The following TMEM204 variants were observed in gnomAD, a reference collection of about 807,000 sequenced individuals.
TMEM204 encodes claudin-like protein 24.
In TMEM204, 15 loss-of-function variants were observed where a neutral mutation model predicts 19.4. The ratio of observed to expected loss-of-function variants is 0.77; its 90% CI spans 0.52 to 1.19. TMEM204 has a LOEUF of 1.19. Ranked by LOEUF, TMEM204 falls within the 50% of genes most tolerant of loss-of-function variation. The pLI is 0.00. For synonymous variants in TMEM204, 161 were observed against 146.0 expected, an observed-to-expected ratio of 1.10 and a Z score of -0.74; for missense variants, 287 against 321.2, an observed-to-expected ratio of 0.89 and a Z score of 0.81.
chr16:1,535,917 C>T (rs115023250), intron 1 of TMEM204, among the ~76,000 whole-genome samples: 63 of 152,388 alleles, frequency 4.1e-4, no homozygotes, highest in Non-Finnish European at 7.5e-4. Flanking sequence ...CTTGGGTCTC[C>T]GCGTGACTCC....
At chr16:1,541,214 C>T in intron 1 of TMEM204, 1 of 985,406 alleles carries the variant, frequency 1.0e-6, no homozygotes, top group Non-Finnish European at 1.2e-6. Context: ...AGTGGGGAAG[C>T]AGGCCCTGAC....
intron 1 of TMEM204, among the ~76,000 whole-genome samples, chr16:1,538,835 T>C (rs1162487572): frequency 1.3e-5 from 2 of 152,158 alleles, no homozygotes; most frequent in Non-Finnish European, 2.9e-5. Flanking sequence ...TGCTTGGGGC[T>C]GGCTGTGGAG....
chr16:1,547,773 T>G (rs749643856), intron 2 of TMEM204, among the ~76,000 whole-genome samples: 10 of 152,170 alleles, frequency 6.6e-5, no homozygotes, highest in Non-Finnish European at 1.0e-4. Flanking sequence ...TGACCTCAGG[T>G]GATCCACCCA....
chr16:1,541,313 C>T lies in TMEM204; in HGVS notation c.281-608C>T, dbSNP rs576791002. On this transcript the variant is annotated intron_variant, in intron 1 of 2. Coordinates refer to ENST00000566264, the MANE Select transcript of TMEM204 (RefSeq NM_024600.6). ...CAGGTGGGGGGCACTGGTTCAGACC[C>T]ATGTCTGACCCCTGCTCAGCCCCTT... 29 of 985,134 alleles carry T rather than the reference C, an allele frequency of 2.9e-5. 1 individual carries two copies. In the South Asian group the frequency reaches 1.1e-3, roughly 37 times the overall value. 61.0% of individuals were successfully genotyped at this position (985,134 alleles called of 1,614,324 possible).
intron 2 of TMEM204, chr16:1,554,084 GGA>G: frequency 2.3e-6 from 3 of 1,287,180 alleles, no homozygotes; most frequent in Non-Finnish European, 3.0e-6. Flanking sequence ...CTGCCAGGGA[GGA>G]GGGAGGGTCT....
intron 1 of TMEM204, among the ~76,000 whole-genome samples, chr16:1,535,919 C>T (rs1394250121): frequency 3.9e-5 from 6 of 152,254 alleles, no homozygotes; most frequent in South Asian, 4.1e-4. Context: ...TGGGTCTCCG[C>T]GTGACTCCGG....
chr16:1,541,582 C>T (rs921525811), intron 1 of TMEM204: 8 of 821,708 alleles, frequency 9.7e-6, no homozygotes, highest in Middle Eastern at 6.3e-4. Flanking sequence ...CCTCCACCCC[C>T]ACGCCAGCGC....
At chr16:1,548,332 GC>G (rs1467243855) in intron 2 of TMEM204, among the ~76,000 whole-genome samples, 1 of 152,216 alleles carries the variant, frequency 6.6e-6, no homozygotes, top group Admixed American at 6.5e-5. Context: ...ATGTGTGACA[GC>G]CATTCCAAAA....
intron 1 of TMEM204, among the ~76,000 whole-genome samples, chr16:1,537,878 G>A (rs1240743344): frequency 1.3e-5 from 2 of 152,136 alleles, no homozygotes; most frequent in Non-Finnish European, 2.9e-5. Flanking sequence ...CGCATGCCCC[G>A]CCACACATCA....
At chr16:1,554,738 C>T in intron 2 of TMEM204, 44 bp from the exon 3 acceptor site, 1 of 1,604,994 alleles carries the variant, frequency 6.2e-7, no homozygotes, top group East Asian at 2.2e-5. Context: ...GTGGAACCCG[C>T]CTTCCTCTCA....
intron 2 of TMEM204, among the ~76,000 whole-genome samples, chr16:1,550,500 CGT>C (rs1286806552): frequency 2.6e-5 from 4 of 152,250 alleles, no homozygotes; most frequent in African/African-American, 7.2e-5. Flanking sequence ...CAGGAAGCAG[CGT>C]GTGATGCTGG....
At chr16:1,538,256 G>A (rs1049177850) in intron 1 of TMEM204, among the ~76,000 whole-genome samples, 21 of 152,172 alleles carry the variant, frequency 1.4e-4, no homozygotes, top group African/African-American at 4.8e-4. Flanking sequence ...TGTGGGGCAC[G>A]GCTGCTGCAC....
upstream of TMEM204, among the ~76,000 whole-genome samples, chr16:1,529,547 C>T (rs750380669): frequency 3.3e-5 from 5 of 152,216 alleles, no homozygotes; most frequent in Admixed American, 1.3e-4. Context: ...CTTTTGGGTT[C>T]GGAACTCTTG....
intron 1 of TMEM204, among the ~76,000 whole-genome samples, chr16:1,538,514 C>A (rs576989446): frequency 1.3e-5 from 2 of 152,172 alleles, no homozygotes; most frequent in African/African-American, 4.8e-5. Flanking sequence ...CCCTCCTCCC[C>A]CTTCATTCTG....
chr16:1,553,214 C>G lies in TMEM204; in HGVS notation c.437-1568C>G. ...CTTCCCTGTGTCTCTGTCTCTGTCT[C>G]TCTCTGTCTCCATCTGTCTCTGTGT... On this transcript the variant is annotated intron_variant, in intron 2 of 2. Coordinates refer to ENST00000566264, the MANE Select transcript of TMEM204 (RefSeq NM_024600.6). The surrounding 1 kb of genome is among the most constrained non-coding windows in gnomAD (Gnocchi z 4.4). 3.1e-6 allele frequency: 3 copies of G among 981,154 alleles called. No homozygotes were observed. Among genetic ancestry groups the G allele is most frequent in the Non-Finnish European group, 3.6e-6 (3 of 826,090 alleles). 60.8% of individuals were successfully genotyped at this position (981,154 alleles called of 1,614,324 possible).
At chr16:1,549,592 C>T (rs1448327098) in intron 2 of TMEM204, among the ~76,000 whole-genome samples, 6 of 152,172 alleles carry the variant, frequency 3.9e-5, no homozygotes, top group South Asian at 2.1e-4. Context: ...CCACCACGCC[C>T]GGCTAATTTT....
Position 1,555,221 on chromosome 16 carries a change from C to T in TMEM204, c.*195C>T. ...GTCATATGTCTGTACGTGTCGTGGG[C>T]CAACCTCGTTCTGCCTCCAGCTTTC... On this transcript the variant is annotated 3_prime_UTR_variant, in exon 3 of 3. Transcript: ENST00000566264. 1.5e-6 allele frequency: 1 copy of T among 683,564 alleles called. No homozygotes were observed. The highest frequency in any genetic ancestry group is 2.4e-6 in the Non-Finnish European group (1 of 423,108). 42.3% of individuals were successfully genotyped at this position (683,564 alleles called of 1,614,324 possible).
At chr16:1,550,304 G>A (rs1186095915) in intron 2 of TMEM204, among the ~76,000 whole-genome samples, 1 of 152,180 alleles carries the variant, frequency 6.6e-6, no homozygotes, top group East Asian at 1.9e-4. Context: ...GCCTGAGCTC[G>A]TGTTTATGGC....
chr16:1,554,192 C>A (rs2032904728), intron 2 of TMEM204: 1 of 1,189,656 alleles, frequency 8.4e-7, no homozygotes. Context: ...CCTGCCTGAG[C>A]TGCAGACTCC....
Sources: gnomAD v4.1 joint callset for allele counts (sites outside exome capture counted in the v4.1 genomes callset) on GRCh38, gnomAD v4.1.1 for gene constraint, Gnocchi (gnomAD v3.1) non-coding constraint, MANE v1.5 for transcripts, NCBI Gene and HGNC (gene_info 2026-07-23, HGNC 2026-07-21) for gene names.